The following SPAST variants were observed in gnomAD, a reference collection of about 807,000 sequenced individuals.
SPAST encodes the protein spastic paraplegia 4 (autosomal dominant; spastin).
SPAST carries 30 observed loss-of-function variants against 76.6 expected under a neutral mutation model. That is an observed-to-expected ratio of 0.39 (90% CI 0.29 to 0.53). SPAST has a LOEUF of 0.53. Among genes scored for constraint, SPAST ranks in the 20% least tolerant of loss-of-function variants. The pLI is 0.68. For synonymous variants in SPAST, 305 were observed against 281.0 expected (o/e 1.09, Z -0.86); for missense variants, 717 against 770.5 (o/e 0.93, Z 0.82).
At chr2:32,154,253 C>T (rs568128506) in intron 16 of SPAST, 121 bp from the exon 17 acceptor site, 2 of 816,094 alleles carry the variant, frequency 2.5e-6, no homozygotes, top group Admixed American at 2.4e-5. Flanking sequence ...TCTAAGAATA[C>T]ATACACGTAT....
chr2:32,063,979 C>T lies in SPAST; in HGVS notation c.148C>T (p.Leu50=), dbSNP rs746451427. The T allele has an allele frequency of 6.2e-7, 1 of 1,613,328 alleles. No homozygotes were observed. The highest frequency in any genetic ancestry group is 1.7e-5 in the Admixed American group (1 of 59,980). The change falls in exon 1 of 17, where the codon CTG becomes TTG. Residue 50 remains leucine (L), a synonymous_variant. Coordinates refer to ENST00000315285, the MANE Select transcript of SPAST (RefSeq NM_014946.4). ...GCCCGAGTCGCCGCATAAGCGGAACCTGTACTATTTCTCCTACCCGCTGTT... is the reference window on the plus strand; with the variant it reads ...GCCCGAGTCGCCGCATAAGCGGAACTTGTACTATTTCTCCTACCCGCTGTT... ...PPPESPHKRN[L]YYFSYPLFVG... is the part of the protein sequence containing the mutation.
chr2:32,063,743 C>G lies in SPAST; in HGVS notation c.-89C>G, dbSNP rs1245285956. 2 of 1,500,310 alleles carry G rather than the reference C, an allele frequency of 1.3e-6. No individual in the cohort carries two copies. Among genetic ancestry groups the G allele is most frequent in the African/African-American group, 2.8e-5 (2 of 71,994 alleles). The allele number at this position is 1,500,310 out of a possible 1,614,324, so 92.9% of individuals were successfully genotyped here. A position where few individuals can be genotyped will look rare whatever the true frequency, so the allele number is the denominator to read the frequency against. Reference sequence around the variant, plus strand: ...CGGCGGGCACACGGGGGTCTGTGGCCCCCGCCGTAGCAGTGGCTGCCGCCG... The same window carrying G: ...CGGCGGGCACACGGGGGTCTGTGGCGCCCGCCGTAGCAGTGGCTGCCGCCG... On this transcript the variant is annotated 5_prime_UTR_variant, in exon 1 of 17. Transcript: ENST00000315285.
At chr2:32,109,941 T>C (rs1390979103) in intron 4 of SPAST, among the ~76,000 whole-genome samples, 1 of 148,574 alleles carries the variant, frequency 6.7e-6, no homozygotes, top group Admixed American at 6.8e-5. Flanking sequence ...CATATACATA[T>C]ATAGTTACAT....
chr2:32,152,102 G>C, intron 16 of SPAST, among the ~76,000 whole-genome samples: 1 of 151,856 alleles, frequency 6.6e-6, no homozygotes. Flanking sequence ...TTATTATTTT[G>C]GTTTGATAAG....
chr2:32,144,884 C>T (rs1002131837), intron 14 of SPAST, 53 bp from the exon 15 acceptor site: 4 of 1,313,188 alleles, frequency 3.0e-6, no homozygotes, highest in Non-Finnish European at 4.4e-6. Context: ...AACTCCATCT[C>T]AAAAAAAAGC....
At chr2:32,095,110 A>G (rs1478938364) in intron 3 of SPAST, among the ~76,000 whole-genome samples, 1 of 152,242 alleles carries the variant, frequency 6.6e-6, no homozygotes, top group Non-Finnish European at 1.5e-5. Flanking sequence ...ACAGTAATCT[A>G]GGAGAAAAGT....
chr2:32,127,903 C>T (rs995562751), intron 8 of SPAST: 2 of 153,268 alleles, frequency 1.3e-5, no homozygotes, highest in Non-Finnish European at 2.9e-5. Context: ...AGAAGCACAG[C>T]TCTTCCTATA....
intron 4 of SPAST, among the ~76,000 whole-genome samples, 170 bp downstream of exon 4, chr2:32,099,061 A>G (rs773531556): frequency 3.3e-5 from 5 of 152,214 alleles, no homozygotes; most frequent in Non-Finnish European, 5.9e-5. Flanking sequence ...ATAAACATGC[A>G]ACAAGTCAGG....
rs151303272 is a variant in SPAST at position 32,113,367 on chromosome 2, G to T, written c.683-1271G>T. ...CCCAAAATGCTGGGATTACAGGCGT[G>T]AGCTACTGCACCCGGCCTAAAATTG... is the stretch of plus-strand genomic sequence containing the variant. On this transcript the variant is annotated intron_variant, in intron 4 of 16. Coordinates refer to ENST00000315285, the MANE Select transcript of SPAST (RefSeq NM_014946.4). Among the ~76,000 whole-genome samples the T allele has an allele frequency of 5.9e-3, 894 of 151,736 alleles. 11 individuals are homozygous for T. The highest frequency in any genetic ancestry group is 0.02 in the African/African-American group (836 of 41,344).
In SPAST at chr2:32,111,316, G is replaced by A. The variant is rs28494485; in HGVS notation, c.683-3322G>A. Reference sequence around the variant, plus strand: ...GTATAGCGTATATATACAGTATACTGTATAGTGTGTATAGCGTATATATAC... The same window carrying A: ...GTATAGCGTATATATACAGTATACTATATAGTGTGTATAGCGTATATATAC... On this transcript the variant is annotated intron_variant, in intron 4 of 16. Coordinates refer to ENST00000315285, the MANE Select transcript of SPAST (RefSeq NM_014946.4). Among the ~76,000 whole-genome samples the A allele has an allele frequency of 1.4e-3, 80 of 57,420 alleles. 13 individuals carry two copies. Among genetic ancestry groups the A allele is most frequent in the South Asian group, 4.8e-3 (5 of 1,048 alleles). The allele number at this position is 57,420 out of a possible 152,430, so 37.7% of individuals were successfully genotyped here. A position where few individuals can be genotyped will look rare whatever the true frequency, so the allele number is the denominator to read the frequency against.
chr2:32,103,120 A>G (rs866132159), intron 4 of SPAST, among the ~76,000 whole-genome samples: 1 of 152,186 alleles, frequency 6.6e-6, no homozygotes, highest in Admixed American at 6.6e-5. Context: ...TTAGTAGGCT[A>G]TTAATTATTG....
In SPAST at chr2:32,063,744, C is replaced by G. The variant is rs1252112669; in HGVS notation, c.-88C>G. 23 of 1,504,140 alleles carry G rather than the reference C, an allele frequency of 1.5e-5. No individual in the cohort carries two copies. Among genetic ancestry groups the G allele is most frequent in the Non-Finnish European group, 2.0e-5 (23 of 1,128,652 alleles). The allele number at this position is 1,504,140 out of a possible 1,614,324, so 93.2% of individuals were successfully genotyped here. A position where few individuals can be genotyped will look rare whatever the true frequency, so the allele number is the denominator to read the frequency against. ...GGCGGGCACACGGGGGTCTGTGGCC[C>G]CCGCCGTAGCAGTGGCTGCCGCCGT... On this transcript the variant is annotated 5_prime_UTR_variant, in exon 1 of 17. Coordinates refer to ENST00000315285, the MANE Select transcript of SPAST (RefSeq NM_014946.4).
At chr2:32,134,991 C>A (rs1472451683) in intron 9 of SPAST, among the ~76,000 whole-genome samples, 1 of 152,034 alleles carries the variant, frequency 6.6e-6, no homozygotes, top group Non-Finnish European at 1.5e-5. Flanking sequence ...CCACCGCACC[C>A]GGCCTCTAGC....
intron 3 of SPAST, among the ~76,000 whole-genome samples, 195 bp downstream of exon 3, chr2:32,089,800 G>A (rs1303110178): frequency 2.6e-5 from 4 of 151,716 alleles, no homozygotes; most frequent in Non-Finnish European, 5.9e-5. Context: ...CGCTTGCTCT[G>A]TCACCCAGGC....
At chr2:32,109,670 A>G (rs1329590779) in intron 4 of SPAST, among the ~76,000 whole-genome samples, 2 of 149,590 alleles carry the variant, frequency 1.3e-5, no homozygotes, top group African/African-American at 4.9e-5. Flanking sequence ...CTCTTCATAT[A>G]TTAATATAAC....
At chr2:32,067,098 G>T (rs1029928786) in intron 1 of SPAST, among the ~76,000 whole-genome samples, 2 of 151,998 alleles carry the variant, frequency 1.3e-5, no homozygotes, top group Non-Finnish European at 2.9e-5. Flanking sequence ...GTCTCGCTCA[G>T]TTGCCCAGGC....
Position 32,126,017 on chromosome 2 carries a change from G to C in SPAST, c.1099-931G>C, listed in dbSNP as rs192705191. On this transcript the variant is annotated intron_variant, in intron 7 of 16. Coordinates refer to ENST00000315285, the MANE Select transcript of SPAST (RefSeq NM_014946.4). ...TCATCGTGTTAGCCAGGATGGTCTC[G>C]ATCTCCTGACCTCGTGATCCGCCCG... 5.8e-3 allele frequency among the ~76,000 whole-genome samples: 879 copies of C among 151,986 alleles called. 6 individuals carry two copies. The highest frequency in any genetic ancestry group is 0.01 in the Middle Eastern group (3 of 294).
At chr2:32,081,661 G>A (rs1677227064) in intron 1 of SPAST, among the ~76,000 whole-genome samples, 1 of 151,436 alleles carries the variant, frequency 6.6e-6, no homozygotes, top group African/African-American at 2.4e-5. Context: ...GCGTGTGCCT[G>A]TAGTCCCAGC....
At position 32,156,076 on chromosome 2, in the gene SPAST, T is replaced by C. The variant is rs2148770629; in HGVS notation, c.*1580T>C. The C allele has an allele frequency of 1.3e-5, 2 of 151,966 alleles. No individual in the cohort carries two copies. The highest frequency in any genetic ancestry group is 1.3e-4 in the Admixed American group (2 of 15,232). The allele number at this position is 151,966 out of a possible 1,614,324, so 9.4% of individuals were successfully genotyped here. ...TTTTTGAGACAGAGTTTCGCTCTTG[T>C]TGCCCAGGCTGGAGTGCAATGGCGC... On this transcript the variant is annotated 3_prime_UTR_variant, in exon 17 of 17. Transcript: ENST00000315285.
Sources: gnomAD v4.1 joint callset for allele counts (sites outside exome capture counted in the v4.1 genomes callset) on GRCh38, gnomAD v4.1.1 for gene constraint, MANE v1.5 for transcripts, NCBI Gene and HGNC (gene_info 2026-07-23, HGNC 2026-07-21) for gene names.